PRELID3A: variants seen among roughly 807,000 people sequenced by gnomAD.
PRELID3A encodes PRELI domain containing protein 3A.
Under a neutral mutation model 23.0 loss-of-function variants are expected in PRELID3A, and 27 were observed. The ratio of observed to expected loss-of-function variants is 1.17; its 90% CI spans 0.87 to 1.62. PRELID3A has a LOEUF of 1.62. Among genes scored for constraint, PRELID3A ranks in the 40% most tolerant of loss-of-function variants. PRELID3A has a pLI of 0.00. For missense variants in PRELID3A, 231 were observed against 231.4 expected (o/e 1.00, Z 0.01); for synonymous variants, 87 against 86.4 (o/e 1.01, Z -0.04).
intron 1 of PRELID3A, among the ~76,000 whole-genome samples, chr18:12,417,928 T>G (rs1252033515): frequency 6.6e-6 from 1 of 152,232 alleles, no homozygotes; most frequent in Non-Finnish European, 1.5e-5. Flanking sequence ...ATAAGTGTTC[T>G]ATTGTTAAGA....
At chr18:12,430,570 T>TGA (rs1491512736) in intron 6 of PRELID3A, among the ~76,000 whole-genome samples, 7 of 149,826 alleles carry the variant, frequency 4.7e-5, no homozygotes, top group Middle Eastern at 3.5e-3. Flanking sequence ...AGTGTGTGTG[T>TGA]GACATGTGTG....
intron 1 of PRELID3A, among the ~76,000 whole-genome samples, chr18:12,414,315 C>T (rs2029882936): frequency 6.6e-6 from 1 of 152,240 alleles, no homozygotes; most frequent in Admixed American, 6.5e-5. Context: ...AAGTGCACAG[C>T]AGTGAGGACT....
intron 2 of PRELID3A, 195 bp from the exon 3 acceptor site, chr18:12,421,345 T>C (rs962501161): frequency 1.7e-5 from 10 of 585,296 alleles, no homozygotes; most frequent in Admixed American, 6.2e-5. Flanking sequence ...TCTGTTGGAA[T>C]TCATTTCTTT....
At chr18:12,423,388 G>A (rs2030253760) in intron 3 of PRELID3A, among the ~76,000 whole-genome samples, 1 of 152,170 alleles carries the variant, frequency 6.6e-6, no homozygotes, top group Non-Finnish European at 1.5e-5. Flanking sequence ...GTTGGGACCT[G>A]AGCCAGGGAG....
At position 12,421,635 on chromosome 18, in the gene PRELID3A, C is replaced by A; in HGVS notation, c.291+6C>A. The A allele has an allele frequency of 6.3e-7, 1 of 1,595,606 alleles. No homozygotes were observed. The highest frequency in any genetic ancestry group is 8.6e-7 in the Non-Finnish European group (1 of 1,163,418). On this transcript the variant is annotated splice_donor_region_variant and intron_variant, in intron 3 of 6. Transcript: ENST00000440960. Reference sequence around the variant, plus strand: ...TGGAACTTTGTTCTACCAATGTAAGCAATGGCCTCAGATGAGAAACGGGCT... The same window carrying A: ...TGGAACTTTGTTCTACCAATGTAAGAAATGGCCTCAGATGAGAAACGGGCT...
intron 1 of PRELID3A, among the ~76,000 whole-genome samples, chr18:12,412,450 A>G (rs1414048149): frequency 1.3e-5 from 2 of 152,196 alleles, no homozygotes; most frequent in African/African-American, 4.8e-5. Flanking sequence ...GGCCTCCCAA[A>G]GTGCTGGGTT....
rs535672125 is a variant in PRELID3A, at chr18:12,423,200, G to A, written c.291+1571G>A. 3.9e-5 allele frequency among the ~76,000 whole-genome samples: 6 copies of A among 152,342 alleles called. No individual in the cohort carries two copies. The East Asian group carries it at 5.8e-4, about 15-fold the overall frequency. ...TTAGAGACTAAGAGGGGAAGGTGGT[G>A]TGGGAGGGAGGAGGCTGGAGAGGGG... On this transcript the variant is annotated intron_variant, in intron 3 of 6. Transcript: ENST00000440960.
At chr18:12,430,778 C>A (rs549409949) in intron 6 of PRELID3A, among the ~76,000 whole-genome samples, 1 of 130,360 alleles carries the variant, frequency 7.7e-6, no homozygotes, top group African/African-American at 3.0e-5. Flanking sequence ...TGTGTGCATG[C>A]GTGTATGATG....
At position 12,421,567 on chromosome 18, in the gene PRELID3A, T is replaced by C; in HGVS notation, c.229T>C (p.Tyr77His). The change falls in exon 3 of 7, where the codon TAC (tyrosine) becomes CAC (histidine). Residue 77 changes from tyrosine to histidine, a missense_variant. Transcript: ENST00000440960. ...TTTGGGAACCAGTAGGACATTGACA[T>C]ACATCCGAGAACATTCTGTGGTGGA... The part of the protein sequence containing the change: ...AILGTSRTLT[Y>H]IREHSVVDPV... The C allele has an allele frequency of 6.2e-7, 1 of 1,613,850 alleles. No individual in the cohort carries two copies. The highest frequency in any genetic ancestry group is 8.5e-7 in the Non-Finnish European group (1 of 1,179,718).
intron 1 of PRELID3A, among the ~76,000 whole-genome samples, chr18:12,417,159 G>T (rs965521392): frequency 4.6e-5 from 7 of 152,036 alleles, no homozygotes; most frequent in Admixed American, 1.3e-4. Context: ...CAGCCAGAAA[G>T]ATGCAAATTT....
At position 12,432,100 on chromosome 18, in the gene PRELID3A, A is replaced by G. The variant is rs1484236226; in HGVS notation, c.*984A>G. Reference sequence around the variant, plus strand: ...AGTACAGGAGTCTGGAGTCCGTTGAAGGGTAAAGGCCTCCCGCAAGCTGCC... The same window carrying G: ...AGTACAGGAGTCTGGAGTCCGTTGAGGGGTAAAGGCCTCCCGCAAGCTGCC... On this transcript the variant is annotated 3_prime_UTR_variant, in exon 7 of 7. Transcript: ENST00000440960. The G allele has an allele frequency of 1.3e-5, 2 of 152,238 alleles. No individual in the cohort carries two copies. Among genetic ancestry groups the G allele is most frequent in the African/African-American group, 4.8e-5 (2 of 41,468 alleles). The allele number at this position is 152,238 out of a possible 1,614,324, so 9.4% of individuals were successfully genotyped here. A position where few individuals can be genotyped will look rare whatever the true frequency, so the allele number is the denominator to read the frequency against.
At chr18:12,412,250 G>A (rs1909944299) in intron 1 of PRELID3A, among the ~76,000 whole-genome samples, 1 of 149,268 alleles carries the variant, frequency 6.7e-6, no homozygotes, top group Non-Finnish European at 1.5e-5. Context: ...GGCAGTGGCG[G>A]GATCTCAGTT....
chr18:12,426,899 A>T, intron 3 of PRELID3A, 142 bp from the exon 4 acceptor site: 1 of 626,296 alleles, frequency 1.6e-6, no homozygotes, highest in Non-Finnish European at 2.9e-6. Flanking sequence ...CCTAGGATTT[A>T]ATGTGGTCGT....
chr18:12,411,401 A>G (rs1909904858), intron 1 of PRELID3A, among the ~76,000 whole-genome samples: 1 of 144,800 alleles, frequency 6.9e-6, no homozygotes, highest in Non-Finnish European at 1.5e-5. Context: ...GGGAGGCAGA[A>G]CTTGCAGTGA....
At chr18:12,427,495 A>C (rs756337566) in intron 5 of PRELID3A, among the ~76,000 whole-genome samples, 172 bp downstream of exon 5, 12 of 152,024 alleles carry the variant, frequency 7.9e-5, no homozygotes, top group Non-Finnish European at 1.3e-4. Flanking sequence ...CCAGGAATTC[A>C]AGACCAGCCT....
At chr18:12,408,100 A>C in intron 1 of PRELID3A, 93 bp downstream of exon 1, 8 of 1,104,868 alleles carry the variant, frequency 7.2e-6, no homozygotes, top group Non-Finnish European at 9.2e-6. Context: ...GCCGGACCTC[A>C]CAGCGGGCCT....
chr18:12,407,964 G>T lies in PRELID3A; in HGVS notation c.-12G>T. On this transcript the variant is annotated 5_prime_UTR_variant, in exon 1 of 7. Transcript: ENST00000440960. ...GCCCGGATCGCAGAGCCCGCGCCCT[G>T]CGCCGGCGGCAATGAAGATCTGGAG... 1 of 1,296,012 alleles carries T rather than the reference G, an allele frequency of 7.7e-7. No individual in the cohort carries two copies. Among genetic ancestry groups the T allele is most frequent in the Non-Finnish European group, 9.8e-7 (1 of 1,023,746 alleles). 80.3% of individuals were successfully genotyped at this position (1,296,012 alleles called of 1,614,324 possible).
intron 3 of PRELID3A, among the ~76,000 whole-genome samples, chr18:12,426,360 C>A (rs562869449): frequency 3.9e-3 from 596 of 150,912 alleles, no homozygotes; most frequent in Middle Eastern, 6.9e-3. Flanking sequence ...CGAGACCATC[C>A]TGGCTAACAC....
rs929359895 is a variant in PRELID3A, at chr18:12,408,071, C to T, written c.32+64C>T. 33 of 1,224,262 alleles carry T rather than the reference C, an allele frequency of 2.7e-5. No homozygotes were observed. In the Admixed American group the frequency reaches 1.1e-3, roughly 40 times the overall value. 75.8% of individuals were successfully genotyped at this position (1,224,262 alleles called of 1,614,324 possible). A position where few individuals can be genotyped will look rare whatever the true frequency, so the allele number is the denominator to read the frequency against. The stretch of plus-strand genomic sequence containing the variant: ...CGCCGGCTCCTGCTCCCGAGCCCGG[C>T]TGGAGCGGTCCAGGAAAGGCCGGAC... On this transcript the variant is annotated intron_variant, in intron 1 of 6. Transcript: ENST00000440960.
Sources: gnomAD v4.1 joint callset for allele counts (sites outside exome capture counted in the v4.1 genomes callset) on GRCh38, gnomAD v4.1.1 for gene constraint, MANE v1.5 for transcripts, NCBI Gene and HGNC (gene_info 2026-07-23, HGNC 2026-07-21) for gene names.